OSBP2: variants seen among roughly 807,000 people sequenced by gnomAD.
OSBP2 encodes the protein oxysterol binding protein 2.
Under a neutral mutation model 96.0 loss-of-function variants are expected in OSBP2, and 66 were observed. That is an observed-to-expected ratio of 0.69 (90% CI 0.56 to 0.84). The LOEUF (loss-of-function observed/expected upper bound fraction) is 0.84. Ranked by LOEUF, OSBP2 falls within the 40% of genes least tolerant of loss-of-function variation. OSBP2 has a pLI of 0.00. For missense variants in OSBP2, 1,038 were observed against 1,222.7 expected (o/e 0.85, Z 2.25); for synonymous variants, 525 against 520.9 (o/e 1.01, Z -0.11).
chr22:30,822,968 G>T (rs2038315000), intron 2 of OSBP2, among the ~76,000 whole-genome samples: 1 of 152,240 alleles, frequency 6.6e-6, no homozygotes, highest in Non-Finnish European at 1.5e-5. Context: ...TATGCAAAAA[G>T]AAAATGAAAT....
intron 2 of OSBP2, among the ~76,000 whole-genome samples, chr22:30,810,342 A>G (rs955778079): frequency 2.0e-5 from 3 of 152,012 alleles, no homozygotes; most frequent in Admixed American, 1.3e-4. Flanking sequence ...TTCAGGGATG[A>G]CTTGTCATTT....
At chr22:30,753,734 A>G (rs61688449) in intron 2 of OSBP2, among the ~76,000 whole-genome samples, 7,004 of 152,266 alleles carry the variant, frequency 0.046, 552 homozygotes, top group African/African-American at 0.16. Context: ...GCTCCCTCTG[A>G]AAAGAGTTAT....
At chr22:30,865,368 T>C (rs1190242326) in intron 2 of OSBP2, among the ~76,000 whole-genome samples, 1 of 152,138 alleles carries the variant, frequency 6.6e-6, no homozygotes, top group Non-Finnish European at 1.5e-5. Flanking sequence ...CTCACGCCTA[T>C]AATCCCAGCA....
chr22:30,846,882 C>A (rs572269965), intron 2 of OSBP2, among the ~76,000 whole-genome samples: 2 of 151,842 alleles, frequency 1.3e-5, no homozygotes, highest in Non-Finnish European at 2.9e-5. Flanking sequence ...TTTGTTCATG[C>A]GGTATATTGG....
chr22:30,843,387 A>G (rs913689759), intron 2 of OSBP2, among the ~76,000 whole-genome samples: 1 of 152,028 alleles, frequency 6.6e-6, no homozygotes, highest in African/African-American at 2.4e-5. Flanking sequence ...TCATTTGCCA[A>G]ACTGGCAGTG....
Position 30,870,312 on chromosome 22 carries a change from G to C in OSBP2, c.854-117G>C. On this transcript the variant is annotated intron_variant, in intron 2 of 13. Transcript: ENST00000332585. This position sits in a 1 kb window ranked among gnomAD's most constrained non-coding sequence, Gnocchi z 4.1. Reference sequence around the variant, plus strand: ...CAGGAACAGGAACGGGCACCATCTCGGGGACTGATGTTTTTTGAATGGCGC... The same window carrying C: ...CAGGAACAGGAACGGGCACCATCTCCGGGACTGATGTTTTTTGAATGGCGC... The C allele has an allele frequency of 1.9e-6, 2 of 1,064,602 alleles. No homozygotes were observed. The highest frequency in any genetic ancestry group is 2.7e-6 in the Non-Finnish European group (2 of 730,668). The allele number at this position is 1,064,602 out of a possible 1,614,324, so 65.9% of individuals were successfully genotyped here.
intron 1 of OSBP2, among the ~76,000 whole-genome samples, chr22:30,710,008 G>A (rs922908140): frequency 2.0e-5 from 3 of 151,836 alleles, no homozygotes; most frequent in Admixed American, 6.6e-5. Context: ...TCAGCCTCCC[G>A]AGTAGCTGGA....
chr22:30,899,371 ACC>A (rs1033516304), intron 12 of OSBP2, among the ~76,000 whole-genome samples: 3 of 150,620 alleles, frequency 2.0e-5, no homozygotes, highest in African/African-American at 7.3e-5. Flanking sequence ...ACTACTGCAT[ACC>A]AGCCTGGGTG....
chr22:30,793,229 A>C (rs2090704293), intron 2 of OSBP2, among the ~76,000 whole-genome samples: 1 of 151,708 alleles, frequency 6.6e-6, no homozygotes, highest in Non-Finnish European at 1.5e-5. Context: ...ATCTCTACTA[A>C]AAATACAAAA....
At chr22:30,803,125 C>A in intron 2 of OSBP2, 1 of 204,162 alleles carries the variant, frequency 4.9e-6, no homozygotes, top group Non-Finnish European at 9.6e-6. Context: ...CTGCAAGAGC[C>A]CTCGCAGCCT....
chr22:30,794,261 CA>C (rs2090722355), intron 2 of OSBP2, among the ~76,000 whole-genome samples: 1 of 142,050 alleles, frequency 7.0e-6, no homozygotes, highest in Admixed American at 7.0e-5. Flanking sequence ...CTCCTCTATT[CA>C]TTTTTTTTTT....
chr22:30,763,462 C>T (rs547902323), intron 2 of OSBP2, among the ~76,000 whole-genome samples: 1 of 152,270 alleles, frequency 6.6e-6, no homozygotes, highest in African/African-American at 2.4e-5. Context: ...GCCTGGCCAA[C>T]ATGGTGAAAC....
chr22:30,906,282 C>G lies in OSBP2; in HGVS notation c.2694C>G (p.Gly898=). The change falls in exon 14 of 14, where the codon GGC becomes GGG. Residue 898 remains glycine, a synonymous_variant. Transcript: ENST00000332585. ...GGGAGATGGCCTGTGTGTACAAGGG[C>G]GGCTACTGGGAGGCCAAGGAGAAGC... is the stretch of plus-strand genomic sequence containing the variant. ...LTGEMACVYK[G]GYWEAKEKQD... 6.2e-7 allele frequency: 1 copy of G among 1,613,914 alleles called. No individual in the cohort carries two copies. Among genetic ancestry groups the G allele is most frequent in the Non-Finnish European group, 8.5e-7 (1 of 1,179,876 alleles).
At chr22:30,899,568 T>C (rs985604899) in intron 12 of OSBP2, among the ~76,000 whole-genome samples, 1 of 152,196 alleles carries the variant, frequency 6.6e-6, no homozygotes, top group African/African-American at 2.4e-5. Flanking sequence ...AAACATATTA[T>C]TCCAATTTCA....
intron 2 of OSBP2, among the ~76,000 whole-genome samples, chr22:30,798,123 T>C (rs1315328533): frequency 6.6e-6 from 1 of 152,186 alleles, no homozygotes; most frequent in Non-Finnish European, 1.5e-5. Flanking sequence ...ATGGTAGCCG[T>C]CCTAGTGGGT....
At chr22:30,797,314 G>A (rs1024276283) in intron 2 of OSBP2, among the ~76,000 whole-genome samples, 1 of 151,878 alleles carries the variant, frequency 6.6e-6, no homozygotes, top group Non-Finnish European at 1.5e-5. Flanking sequence ...CAAAGTCTCC[G>A]CCCTGTCACC....
chr22:30,732,261 G>A (rs968500528), intron 1 of OSBP2, among the ~76,000 whole-genome samples: 2 of 152,078 alleles, frequency 1.3e-5, no homozygotes, highest in Non-Finnish European at 2.9e-5. Flanking sequence ...CCGAGATAGC[G>A]CCATTGCACT....
intron 2 of OSBP2, among the ~76,000 whole-genome samples, chr22:30,819,333 A>C (rs927350042): frequency 6.6e-6 from 1 of 152,136 alleles, no homozygotes; most frequent in Non-Finnish European, 1.5e-5. Flanking sequence ...AGACTCTGAA[A>C]AGACACCCAT....
intron 2 of OSBP2, among the ~76,000 whole-genome samples, chr22:30,854,351 C>T (rs1479223284): frequency 6.9e-6 from 1 of 144,266 alleles, no homozygotes; most frequent in Non-Finnish European, 1.5e-5. Context: ...CTCTGTTGCC[C>T]AGGCTGGAGT....
Sources: gnomAD v4.1 joint callset for allele counts (sites outside exome capture counted in the v4.1 genomes callset) on GRCh38, gnomAD v4.1.1 for gene constraint, Gnocchi (gnomAD v3.1) non-coding constraint, MANE v1.5 for transcripts, NCBI Gene and HGNC (gene_info 2026-07-23, HGNC 2026-07-21) for gene names.